The following PTPRD variants were observed in gnomAD, a reference collection of about 807,000 sequenced individuals.
PTPRD encodes receptor-type tyrosine-protein phosphatase delta.
In PTPRD, 34 loss-of-function variants were observed where a neutral mutation model predicts 214.5. The ratio of observed to expected loss-of-function variants is 0.16; its 90% CI spans 0.12 to 0.21. The LOEUF is 0.21. PTPRD is among the 10% of genes least tolerant of loss of function. The pLI is 1.00. For missense variants in PTPRD, 2,545 were observed against 2,398.7 expected (o/e 1.06, Z -1.27); for synonymous variants, 1,128 against 845.7 (o/e 1.33, Z -5.79).
chr9:10,070,971 C>T (rs1205004380), intron 3 of PTPRD, among the ~76,000 whole-genome samples: 4 of 151,824 alleles, frequency 2.6e-5, no homozygotes, highest in Admixed American at 2.0e-4. Flanking sequence ...TTCTTTCTTC[C>T]ATATGAGAAA....
At chr9:8,881,523 T>C (rs1446455594) in intron 11 of PTPRD, among the ~76,000 whole-genome samples, 1 of 152,210 alleles carries the variant, frequency 6.6e-6, no homozygotes, top group Non-Finnish European at 1.5e-5. Context: ...GGGTTTACTA[T>C]ACATCACAAT....
chr9:9,699,650 G>A (rs1490173949), intron 7 of PTPRD, among the ~76,000 whole-genome samples: 3 of 152,128 alleles, frequency 2.0e-5, no homozygotes, highest in Admixed American at 2.0e-4. Flanking sequence ...GACCAACTAA[G>A]TGCCTTGGTC....
chr9:10,152,802 G>A (rs554192741), intron 3 of PTPRD, among the ~76,000 whole-genome samples: 1 of 152,100 alleles, frequency 6.6e-6, no homozygotes, highest in South Asian at 2.1e-4. Flanking sequence ...TCCAGCCTGG[G>A]CAACAAGAGT....
At chr9:9,864,037 G>A (rs1039393604) in intron 5 of PTPRD, among the ~76,000 whole-genome samples, 2 of 152,170 alleles carry the variant, frequency 1.3e-5, no homozygotes, top group Non-Finnish European at 2.9e-5. Context: ...GGGCGCGGTG[G>A]CTCATGCCTA....
At chr9:10,435,958 G>A (rs762705107) in intron 2 of PTPRD, among the ~76,000 whole-genome samples, 6 of 151,708 alleles carry the variant, frequency 4.0e-5, no homozygotes, top group Non-Finnish European at 8.8e-5. Flanking sequence ...TTCAAAAATG[G>A]ACATACACAC....
intron 2 of PTPRD, among the ~76,000 whole-genome samples, chr9:10,393,467 A>G (rs1417131462): frequency 6.6e-6 from 1 of 151,616 alleles, no homozygotes; most frequent in East Asian, 2.0e-4. Flanking sequence ...TTCAAGAAAC[A>G]TGCAAAAGAG....
chr9:10,277,374 A>G (rs1307858578), intron 3 of PTPRD, among the ~76,000 whole-genome samples: 1 of 150,390 alleles, frequency 6.6e-6, no homozygotes, highest in Non-Finnish European at 1.5e-5. Context: ...AAAATTTGGA[A>G]TTTTAGAAGA....
intron 12 of PTPRD, among the ~76,000 whole-genome samples, chr9:8,699,937 TTC>T (rs1433794708): frequency 6.6e-6 from 1 of 152,176 alleles, no homozygotes; most frequent in African/African-American, 2.4e-5. Context: ...AACCATTTTT[TTC>T]TCTGTGTATT....
intron 2 of PTPRD, among the ~76,000 whole-genome samples, chr9:10,358,257 G>C (rs758879670): frequency 1.3e-5 from 2 of 151,942 alleles, no homozygotes; most frequent in Non-Finnish European, 2.9e-5. Flanking sequence ...TAATACTTTT[G>C]TCCAGAAATT....
intron 2 of PTPRD, among the ~76,000 whole-genome samples, chr9:10,403,680 A>G (rs1587387784): frequency 6.6e-6 from 1 of 151,778 alleles, no homozygotes; most frequent in East Asian, 1.9e-4. Flanking sequence ...AAAGGAAATA[A>G]GATATCAAGC....
In PTPRD at chr9:8,453,495, G is replaced by C. The variant is rs1420206187; in HGVS notation, c.3876-3658C>G. ...AGGTAGTATTTTAAGTGAGTTTAAA[G>C]TGTTTTGTCTTTTGGCTGAAAAAAC... On this transcript the variant is annotated intron_variant, in intron 33 of 45. Coordinates refer to ENST00000381196, the MANE Select transcript of PTPRD (RefSeq NM_002839.4). 2.0e-5 allele frequency among the ~76,000 whole-genome samples: 3 copies of C among 152,196 alleles called. No homozygotes were observed. The East Asian group carries it at 5.8e-4, about 29-fold the overall frequency.
At chr9:8,636,313 C>A (rs2096431925) in intron 13 of PTPRD, among the ~76,000 whole-genome samples, 1 of 152,164 alleles carries the variant, frequency 6.6e-6, no homozygotes, top group South Asian at 2.1e-4. Flanking sequence ...CACCTATCCA[C>A]ACAAATTGTC....
intron 11 of PTPRD, among the ~76,000 whole-genome samples, chr9:9,003,832 C>T (rs2099437329): frequency 6.6e-6 from 1 of 152,180 alleles, no homozygotes; most frequent in Non-Finnish European, 1.5e-5. Context: ...AATCAGAAAA[C>T]TCGCAATCTG....
intron 11 of PTPRD, among the ~76,000 whole-genome samples, chr9:8,896,027 T>C (rs930980903): frequency 1.3e-5 from 2 of 152,182 alleles, no homozygotes; most frequent in African/African-American, 4.8e-5. Flanking sequence ...CTTTTAAATC[T>C]GACACACTTG....
At chr9:9,293,459 T>C (rs1180857178) in intron 9 of PTPRD, among the ~76,000 whole-genome samples, 1 of 151,180 alleles carries the variant, frequency 6.6e-6, no homozygotes, top group Non-Finnish European at 1.5e-5. Flanking sequence ...CAGGCATATC[T>C]TGTGTAGTTC....
chr9:10,009,168 G>A (rs761355908), intron 4 of PTPRD, among the ~76,000 whole-genome samples: 8 of 151,848 alleles, frequency 5.3e-5, no homozygotes, highest in Non-Finnish European at 1.0e-4. Flanking sequence ...TAAAGCTTTC[G>A]CCTGGCACTT....
At chr9:10,001,222 C>T (rs2096304057) in intron 4 of PTPRD, among the ~76,000 whole-genome samples, 1 of 151,910 alleles carries the variant, frequency 6.6e-6, no homozygotes, top group South Asian at 2.1e-4. Flanking sequence ...TCATCCATTC[C>T]GAAGAGCAGA....
rs569669082 is a variant in PTPRD, at chr9:8,831,416, G to A, written c.-103-97470C>T. Among the ~76,000 whole-genome samples the A allele has an allele frequency of 1.6e-4, 25 of 152,096 alleles. No homozygotes were observed. The South Asian group carries it at 3.7e-3, about 23-fold the overall frequency. ...CATTATGAAACTGCATTAGGAGACC[G>A]GACTACACATTATACAGTCTACATA... On this transcript the variant is annotated intron_variant, in intron 11 of 45. Transcript: ENST00000381196.
At chr9:9,470,819 C>A (rs896869264) in intron 8 of PTPRD, among the ~76,000 whole-genome samples, 1 of 152,142 alleles carries the variant, frequency 6.6e-6, no homozygotes, top group Non-Finnish European at 1.5e-5. Context: ...GCCATGCTGT[C>A]TCAAATGCTA....
Sources: allele counts gnomAD v4.1 joint callset (sites outside exome capture counted in the v4.1 genomes callset), GRCh38; gene constraint gnomAD v4.1.1; transcripts MANE v1.5; gene names NCBI Gene and HGNC (gene_info 2026-07-23, HGNC 2026-07-21).